The following GABBR2 variants were observed in gnomAD, a reference collection of about 807,000 sequenced individuals.
The protein encoded by GABBR2 is G-protein coupled receptor 51.
A neutral mutation model predicts 105.6 loss-of-function variants in GABBR2; 23 were observed. The observed-to-expected ratio is 0.22, with a 90% CI of 0.16 to 0.31. The LOEUF is 0.31. GABBR2 is among the 10% of genes least tolerant of loss of function. GABBR2 has a pLI of 1.00. For synonymous variants in GABBR2, 478 were observed against 499.7 expected, an observed-to-expected ratio of 0.96 and a Z score of 0.58; for missense variants, 734 against 1,245.5, an observed-to-expected ratio of 0.59 and a Z score of 6.18.
At chr9:98,556,448 C>T (rs1828585386) in intron 2 of GABBR2, among the ~76,000 whole-genome samples, 1 of 152,196 alleles carries the variant, frequency 6.6e-6, no homozygotes, top group Non-Finnish European at 1.5e-5. Flanking sequence ...CTGAAATGTG[C>T]TTCATGGTCA....
rs1830252695 is a variant in GABBR2 at position 98,289,473 on chromosome 9, C to G, written c.*1111G>C. 1 of 152,536 alleles carries G rather than the reference C, an allele frequency of 6.6e-6. No homozygotes were observed. The highest frequency in any genetic ancestry group is 2.1e-4 in the South Asian group (1 of 4,816). The allele number at this position is 152,536 out of a possible 1,614,324, so 9.4% of individuals were successfully genotyped here. ...TGAGAATCAATCTGCTGACTGATCA[C>G]CCCAGTGATCCCAAGGGGAGAGCTC... On this transcript the variant is annotated 3_prime_UTR_variant, in exon 19 of 19. Coordinates refer to ENST00000259455, the MANE Select transcript of GABBR2 (RefSeq NM_005458.8).
intron 7 of GABBR2, among the ~76,000 whole-genome samples, chr9:98,424,247 T>C (rs1282215865): frequency 1.3e-5 from 2 of 152,136 alleles, no homozygotes; most frequent in African/African-American, 4.8e-5. Flanking sequence ...ATTATCTCAA[T>C]AGATGCAGAA....
At chr9:98,378,872 T>C (rs1002006939) in intron 11 of GABBR2, among the ~76,000 whole-genome samples, 1 of 152,210 alleles carries the variant, frequency 6.6e-6, no homozygotes, top group Non-Finnish European at 1.5e-5. Flanking sequence ...GTGCCACACT[T>C]ATAATATACA....
chr9:98,391,539 G>C (rs965407456), intron 9 of GABBR2, among the ~76,000 whole-genome samples: 5 of 152,192 alleles, frequency 3.3e-5, no homozygotes, highest in African/African-American at 1.2e-4. Flanking sequence ...AGTCCTGCCT[G>C]ACGGGGTAAG....
intron 13 of GABBR2, among the ~76,000 whole-genome samples, chr9:98,315,659 C>G (rs969001270): frequency 1.3e-5 from 2 of 152,228 alleles, no homozygotes; most frequent in Non-Finnish European, 2.9e-5. Context: ...GGCTACCCAC[C>G]CCCCAACCCC....
chr9:98,507,203 A>C (rs1384241196), intron 3 of GABBR2, among the ~76,000 whole-genome samples: 3 of 152,128 alleles, frequency 2.0e-5, no homozygotes, highest in Non-Finnish European at 4.4e-5. Context: ...AAATCCCTAA[A>C]ATATGTTACC....
intron 1 of GABBR2, among the ~76,000 whole-genome samples, chr9:98,682,366 CTTTTTTTTT>C (rs58885676): frequency 9.6e-4 from 50 of 52,226 alleles, no homozygotes; most frequent in African/African-American, 3.3e-3. Context: ...ATTTTACCAT[CTTTTTTTTT>C]TTTTTTTTTT....
intron 2 of GABBR2, among the ~76,000 whole-genome samples, chr9:98,548,224 G>A (rs1324594096): frequency 2.5e-5 from 3 of 121,322 alleles, no homozygotes; most frequent in African/African-American, 7.9e-5. Context: ...AGAGACACAT[G>A]TGGACGGCAC....
chr9:98,335,427 G>T (rs930979526), intron 13 of GABBR2, among the ~76,000 whole-genome samples: 8 of 152,196 alleles, frequency 5.3e-5, no homozygotes, highest in African/African-American at 1.9e-4. Flanking sequence ...GGTATCCAAG[G>T]TACAGTCTTG....
Position 98,531,250 on chromosome 9 carries a change from G to A in GABBR2, c.630+10623C>T, listed in dbSNP as rs191815525. 9.8e-5 allele frequency among the ~76,000 whole-genome samples: 15 copies of A among 152,328 alleles called. No homozygotes were observed. In the East Asian group the frequency reaches 2.3e-3, roughly 24 times the overall value. On this transcript the variant is annotated intron_variant, in intron 3 of 18. Transcript: ENST00000259455. Reference sequence around the variant, plus strand: ...CACGGCCAGTCACCCTAGCCTCTCTGAGCGGGGTCCATGTGGAGTGGGGAG... The same window carrying A: ...CACGGCCAGTCACCCTAGCCTCTCTAAGCGGGGTCCATGTGGAGTGGGGAG...
chr9:98,630,650 A>C (rs554807417), intron 1 of GABBR2, among the ~76,000 whole-genome samples: 9 of 152,348 alleles, frequency 5.9e-5, no homozygotes, highest in South Asian at 2.1e-4. Flanking sequence ...TGTTTAGAAA[A>C]TTGGGAGACC....
chr9:98,676,239 C>G (rs1457168768), intron 1 of GABBR2, among the ~76,000 whole-genome samples: 1 of 152,178 alleles, frequency 6.6e-6, no homozygotes, highest in Non-Finnish European at 1.5e-5. Flanking sequence ...CAGGTGACCT[C>G]GAGAAGTTGA....
intron 1 of GABBR2, among the ~76,000 whole-genome samples, chr9:98,707,047 C>T (rs1278772799): frequency 6.6e-6 from 1 of 152,240 alleles, no homozygotes; most frequent in Non-Finnish European, 1.5e-5. Context: ...TGCCAACTGC[C>T]ACCGGTTCCT....
At chr9:98,362,134 T>A (rs1358161272) in intron 13 of GABBR2, among the ~76,000 whole-genome samples, 1 of 152,220 alleles carries the variant, frequency 6.6e-6, no homozygotes, top group Non-Finnish European at 1.5e-5. Flanking sequence ...TCAACAAAAC[T>A]ACAGCGTCCT....
intron 2 of GABBR2, among the ~76,000 whole-genome samples, chr9:98,563,578 C>A (rs2779521): frequency 6.6e-6 from 1 of 152,006 alleles, no homozygotes; most frequent in Admixed American, 6.5e-5. Context: ...CAGAAGACAC[C>A]CCGGATGTGA....
intron 1 of GABBR2, among the ~76,000 whole-genome samples, chr9:98,583,470 A>G (rs1588238734): frequency 6.6e-6 from 1 of 152,344 alleles, no homozygotes; most frequent in East Asian, 1.9e-4. Context: ...CTGCAGCATC[A>G]GAGCTCCACA....
chr9:98,483,536 C>G (rs542749695), intron 4 of GABBR2, among the ~76,000 whole-genome samples: 32 of 152,330 alleles, frequency 2.1e-4, no homozygotes, highest in Admixed American at 1.3e-3. Flanking sequence ...CCTATGCAGT[C>G]TTTACCAACT....
chr9:98,673,800 A>G (rs903592273), intron 1 of GABBR2, among the ~76,000 whole-genome samples: 3 of 152,170 alleles, frequency 2.0e-5, no homozygotes, highest in Non-Finnish European at 4.4e-5. Context: ...TTTTCCTATA[A>G]AGCACTGTTC....
chr9:98,485,341 T>C lies in GABBR2; in HGVS notation c.733-4344A>G, dbSNP rs148328297. On this transcript the variant is annotated intron_variant, in intron 4 of 18. Coordinates refer to ENST00000259455, the MANE Select transcript of GABBR2 (RefSeq NM_005458.8). The stretch of plus-strand genomic sequence containing the variant: ...GCCCAAACCCCCAACAGTGACAGGA[T>C]GAGTGAGGGAGAGGCCCACTAAACT... Among the ~76,000 whole-genome samples, 190 of 152,162 alleles carry C rather than the reference T, an allele frequency of 1.2e-3. 1 individual carries two copies. The highest frequency in any genetic ancestry group is 3.9e-3 in the African/African-American group (160 of 41,490).
Sources: allele counts gnomAD v4.1 joint callset (sites outside exome capture counted in the v4.1 genomes callset), GRCh38; gene constraint gnomAD v4.1.1; transcripts MANE v1.5; gene names NCBI Gene and HGNC (gene_info 2026-07-23, HGNC 2026-07-21).